The following HNRNPA3 variants were observed in gnomAD, a reference collection of about 807,000 sequenced individuals.
HNRNPA3 encodes epididymis secretory sperm binding protein.
HNRNPA3 carries 3 observed loss-of-function variants against 45.8 expected under a neutral mutation model. The observed-to-expected ratio is 0.07, with a 90% CI of 0.03 to 0.17. The LOEUF is 0.17. HNRNPA3 is among the 10% of genes least tolerant of loss of function. The pLI, the probability that HNRNPA3 is intolerant of heterozygous loss-of-function variation, is 1.00. For synonymous variants in HNRNPA3, 170 were observed against 155.6 expected (o/e 1.09, Z -0.69); for missense variants, 183 against 480.3 (o/e 0.38, Z 5.79).
chr2:177,217,071 C>A, intron 7 of HNRNPA3, 131 bp downstream of exon 7: 1 of 971,618 alleles, frequency 1.0e-6, no homozygotes, highest in Non-Finnish European at 1.5e-6. Flanking sequence ...CCAAACTGTA[C>A]ATGGAAGAAC....
intron 8 of HNRNPA3, 91 bp downstream of exon 8, chr2:177,217,936 G>C: frequency 1.6e-6 from 2 of 1,265,744 alleles, no homozygotes; most frequent in South Asian, 3.4e-5. Context: ...AAAAGCGTTT[G>C]ATCAAATTTT....
exon 11 of HNRNPA3, chr2:177,219,631 T>G: frequency 4.6e-6 from 1 of 216,180 alleles, no homozygotes; most frequent in Non-Finnish European, 9.4e-6. Flanking sequence ...TAATGCAATG[T>G]AGTGTCAATT....
intron 1 of HNRNPA3, 77 bp downstream of exon 1, chr2:177,212,948 G>A (rs1269687531): frequency 3.0e-6 from 3 of 1,000,602 alleles, no homozygotes; most frequent in East Asian, 6.4e-5. Context: ...GGGGAGGCCG[G>A]GTGGACCGGG....
intron 6 of HNRNPA3, 40 bp from the exon 7 acceptor site, chr2:177,216,820 T>C (rs770186000): frequency 1.9e-6 from 3 of 1,613,264 alleles, no homozygotes; most frequent in Non-Finnish European, 1.7e-6. Context: ...TTTTGGTAAG[T>C]TGAATATATT....
intron 8 of HNRNPA3, 51 bp downstream of exon 8, chr2:177,217,896 A>G (rs963031613): frequency 1.4e-6 from 2 of 1,453,968 alleles, no homozygotes; most frequent in South Asian, 1.4e-5. Context: ...TGTTGCTAAC[A>G]GTTCCCATGA....
At chr2:177,214,142 TAA>T (rs1051713012) in intron 1 of HNRNPA3, among the ~76,000 whole-genome samples, 1 of 152,360 alleles carries the variant, frequency 6.6e-6, no homozygotes, top group South Asian at 2.1e-4. Context: ...TGCAATGTGT[TAA>T]AAAGTCTTGA....
At chr2:177,222,232 AT>A (rs1397478054), downstream of HNRNPA3, 1 of 152,494 alleles carries the variant, frequency 6.6e-6, no homozygotes, top group Admixed American at 6.5e-5. Flanking sequence ...TAGTAGGCAC[AT>A]TGGAAAAATT....
chr2:177,216,306 A>G (rs1688932213), intron 4 of HNRNPA3, 118 bp downstream of exon 4: 7 of 753,492 alleles, frequency 9.3e-6, no homozygotes, highest in Non-Finnish European at 1.5e-5. Context: ...GTGTATAGTC[A>G]ATTTTCATAG....
intron 10 of HNRNPA3, 40 bp downstream of exon 10, chr2:177,219,354 ATG>A (rs1012751522): frequency 9.9e-5 from 141 of 1,418,356 alleles, no homozygotes; most frequent in Middle Eastern, 1.8e-4. Flanking sequence ...ATAAAAGAAT[ATG>A]TGGAACTGTT....
At chr2:177,215,953 A>G in intron 3 of HNRNPA3, 25 bp from the exon 4 acceptor site, 1 of 1,597,812 alleles carries the variant, frequency 6.3e-7, no homozygotes, top group Non-Finnish European at 8.5e-7. Context: ...TTGTTTCTTG[A>G]CTTAATATAT....
In HNRNPA3 at chr2:177,217,098, C is replaced by G. The variant is rs145275791; in HGVS notation, c.820+158C>G. ...TGGAAGAACAGGAACCCTTTTTCCC[C>G]TGGAGAGACATTAGCTGCTCTTTTT... On this transcript the variant is annotated intron_variant, in intron 7 of 10. Transcript: ENST00000392524. Among the ~76,000 whole-genome samples, 449 of 152,132 alleles carry G rather than the reference C, an allele frequency of 3.0e-3. 10 individuals carry two copies. In the East Asian group the frequency reaches 0.044, roughly 15 times the overall value.
At chr2:177,214,687 C>T (rs1688852024) in intron 1 of HNRNPA3, among the ~76,000 whole-genome samples, 1 of 152,140 alleles carries the variant, frequency 6.6e-6, no homozygotes, top group Non-Finnish European at 1.5e-5. Context: ...CCCAGCTACT[C>T]GGGAGGCTGA....
chr2:177,216,460 CATAAA>C (rs1558969479), intron 4 of HNRNPA3, 38 bp from the exon 5 acceptor site: 5 of 1,452,128 alleles, frequency 3.4e-6, no homozygotes, highest in African/African-American at 1.4e-5. Flanking sequence ...CTTTTCCAAA[CATAAA>C]ATAACTTTTT....
At chr2:177,214,079 T>C (rs555221896) in intron 1 of HNRNPA3, among the ~76,000 whole-genome samples, 2 of 152,340 alleles carry the variant, frequency 1.3e-5, no homozygotes, top group South Asian at 4.1e-4. Flanking sequence ...GAGCCCCTTA[T>C]TTAAGAACTT....
chr2:177,213,196 A>C (rs1197360038), intron 1 of HNRNPA3, among the ~76,000 whole-genome samples: 2 of 113,622 alleles, frequency 1.8e-5, no homozygotes, highest in South Asian at 3.1e-4. Context: ...GGTTGGGAGG[A>C]GGTGGTGGGG....
At chr2:177,222,340 T>A (rs1430239576), downstream of HNRNPA3, 3 of 152,222 alleles carry the variant, frequency 2.0e-5, no homozygotes, top group Non-Finnish European at 4.4e-5. Flanking sequence ...TCATATCAAG[T>A]CAGTTGTGAC....
chr2:177,223,811 T>C (rs1252141820), downstream of HNRNPA3: 2 of 152,244 alleles, frequency 1.3e-5, no homozygotes. Flanking sequence ...TATAATGAAA[T>C]GTTTACAGAA....
At position 177,216,775 on chromosome 2, in the gene HNRNPA3, G is replaced by C. The variant is rs368312094; in HGVS notation, c.739+4G>C. 597 of 1,614,146 alleles carry C rather than the reference G, an allele frequency of 3.7e-4. 5 individuals carry two copies. In the African/African-American group the frequency reaches 6.4e-3, roughly 17 times the overall value. ...GGTGGAAACTTTGGTGGAAGAGGTA[G>C]GCTGTTTATCTTCTAAGTACATGGA... is the stretch of plus-strand genomic sequence containing the variant. On this transcript the variant is annotated splice_donor_region_variant and intron_variant, in intron 6 of 10. Coordinates refer to ENST00000392524, the Ensembl canonical transcript of HNRNPA3.
exon 6 of HNRNPA3, chr2:177,216,708 C>T (rs1558969655): frequency 1.2e-6 from 2 of 1,613,850 alleles, no homozygotes; most frequent in Admixed American, 1.7e-5. Flanking sequence ...TTTTATGGGT[C>T]GCGGAGGGAA....
Sources: gnomAD v4.1 joint callset for allele counts (sites outside exome capture counted in the v4.1 genomes callset) on GRCh38, gnomAD v4.1.1 for gene constraint, MANE v1.5 for transcripts, NCBI Gene and HGNC (gene_info 2026-07-23, HGNC 2026-07-21) for gene names.